The following FAM167A variants were observed in gnomAD, a reference collection of about 807,000 sequenced individuals.
The protein encoded by FAM167A is family with sequence similarity 167 member A.
FAM167A carries 23 observed loss-of-function variants against 14.9 expected under a neutral mutation model. That is an observed-to-expected ratio of 1.55 (90% CI 1.11 to 2.19). The LOEUF (loss-of-function observed/expected upper bound fraction) is 2.19, where lower values mean the gene tolerates loss of function less well. Among genes scored for constraint, FAM167A ranks in the 30% most tolerant of loss-of-function variants. FAM167A has a pLI of 0.00. For synonymous variants in FAM167A, 174 were observed against 117.7 expected, an observed-to-expected ratio of 1.48 and a Z score of -3.10; for missense variants, 401 against 281.5, an observed-to-expected ratio of 1.42 and a Z score of -3.04.
In FAM167A at chr8:11,423,155, G is replaced by C. The variant is rs1297405769; in HGVS notation, c.*1218C>G. On this transcript the variant is annotated 3_prime_UTR_variant, in exon 3 of 3. Coordinates refer to ENST00000284486, the MANE Select transcript of FAM167A (RefSeq NM_053279.3). The stretch of plus-strand genomic sequence containing the variant: ...GAGGACTCGACTAGATGACACCAAA[G>C]GTCAGAAACACTCCTTATCTCAGGA... The C allele has an allele frequency of 2.0e-5, 3 of 152,280 alleles. No homozygotes were observed. Among genetic ancestry groups the C allele is most frequent in the Admixed American group, 2.0e-4 (3 of 15,278 alleles). The allele number at this position is 152,280 out of a possible 1,614,324, so 9.4% of individuals were successfully genotyped here.
rs1266605855 is a variant in FAM167A, at chr8:11,424,385, G to A, written c.633C>T (p.Phe211=). Residue 211 remains phenylalanine, a synonymous_variant, in exon 3 of 3, where the codon TTC becomes TTT. Coordinates refer to ENST00000284486, the MANE Select transcript of FAM167A (RefSeq NM_053279.3). ...GTCTGAGGGCTCCTCAGCAGAGAGAGAACCTCCGAGAGTTGATGTTCATCT... is the reference window on the plus strand; with the variant it reads ...GTCTGAGGGCTCCTCAGCAGAGAGAAAACCTCCGAGAGTTGATGTTCATCT... ...VTKMNINSRR[F]SLC is the part of the protein sequence containing the mutation. 2 of 1,613,958 alleles carry A rather than the reference G, an allele frequency of 1.2e-6. No homozygotes were observed. Among genetic ancestry groups the A allele is most frequent in the African/African-American group, 2.7e-5 (2 of 74,898 alleles).
At chr8:11,447,155 C>T (rs1330900121) in intron 1 of FAM167A, among the ~76,000 whole-genome samples, 1 of 150,778 alleles carries the variant, frequency 6.6e-6, no homozygotes, top group Non-Finnish European at 1.5e-5. Flanking sequence ...GTATTGCAGA[C>T]AATTTATTTC....
chr8:11,447,797 C>T (rs1806850723), intron 1 of FAM167A, among the ~76,000 whole-genome samples: 1 of 152,260 alleles, frequency 6.6e-6, no homozygotes, highest in Non-Finnish European at 1.5e-5. Context: ...TTCATGACCA[C>T]TCTGGGCCTC....
chr8:11,431,955 C>T (rs544210211), intron 2 of FAM167A, among the ~76,000 whole-genome samples: 2 of 148,902 alleles, frequency 1.3e-5, no homozygotes, highest in South Asian at 2.1e-4. Flanking sequence ...GAGAGGCTGG[C>T]CGGGGTGACT....
chr8:11,456,422 G>GTGTGT (rs1807310275), intron 1 of FAM167A, among the ~76,000 whole-genome samples: 1 of 131,878 alleles, frequency 7.6e-6, no homozygotes, highest in Non-Finnish European at 1.6e-5. Context: ...TTGCCTTGCT[G>GTGTGT]GGTGTATGAG....
intron 1 of FAM167A, among the ~76,000 whole-genome samples, chr8:11,453,469 C>T (rs1394640806): frequency 6.6e-6 from 1 of 152,140 alleles, no homozygotes; most frequent in Non-Finnish European, 1.5e-5. Context: ...TATGATTGTC[C>T]CATTACACAG....
At chr8:11,467,210 C>T (rs1443985352), upstream of FAM167A, among the ~76,000 whole-genome samples, 1 of 152,250 alleles carries the variant, frequency 6.6e-6, no homozygotes, top group Non-Finnish European at 1.5e-5. Flanking sequence ...CCCAGCAGGG[C>T]AAGTGTAGGC....
At chr8:11,468,561 T>C (rs758935681), upstream of FAM167A, among the ~76,000 whole-genome samples, 8 of 152,208 alleles carry the variant, frequency 5.3e-5, no homozygotes, top group Non-Finnish European at 1.2e-4. Flanking sequence ...AATCTGGACT[T>C]GGGGATAAAG....
Position 11,466,654 on chromosome 8 carries a change from G to A in FAM167A, c.-426C>T, listed in dbSNP as rs1199278732. Reference sequence around the variant, plus strand: ...CCGGGAGCCCAGGGGCCCTGCTGGGGACTCGCCGGTGTCCCCGCCGCCTCC... The same window carrying A: ...CCGGGAGCCCAGGGGCCCTGCTGGGAACTCGCCGGTGTCCCCGCCGCCTCC... On this transcript the variant is annotated 5_prime_UTR_variant, in exon 1 of 3. Transcript: ENST00000284486. 1 of 152,368 alleles carries A rather than the reference G, an allele frequency of 6.6e-6. No homozygotes were observed. The highest frequency in any genetic ancestry group is 1.5e-5 in the Non-Finnish European group (1 of 68,142). 9.4% of individuals were successfully genotyped at this position (152,368 alleles called of 1,614,324 possible). A position where few individuals can be genotyped will look rare whatever the true frequency, so the allele number is the denominator to read the frequency against.
intron 2 of FAM167A, chr8:11,434,941 C>A (rs140647775): frequency 4.1e-4 from 178 of 437,244 alleles, no homozygotes; most frequent in African/African-American, 3.3e-3. Context: ...GAGGACAGGC[C>A]CAGAGGACAG....
chr8:11,446,542 T>G (rs1159639407), intron 1 of FAM167A: 1 of 152,200 alleles, frequency 6.6e-6, no homozygotes. Flanking sequence ...AACCACTGTC[T>G]CCAGATGCAG....
chr8:11,425,117 AAACGTTTTAGAATGC>A (rs1375851601), intron 2 of FAM167A, among the ~76,000 whole-genome samples: 383 of 152,286 alleles, frequency 2.5e-3, no homozygotes, highest in African/African-American at 8.8e-3. Flanking sequence ...ATTACTCTTT[AAACGTTTTAGAATGC>A]CTGAAATATT....
chr8:11,428,916 C>T (rs764999042), intron 2 of FAM167A, among the ~76,000 whole-genome samples: 1 of 152,158 alleles, frequency 6.6e-6, no homozygotes, highest in Admixed American at 6.5e-5. Context: ...GCAAAATGTG[C>T]AAGAATAAGA....
intron 1 of FAM167A, among the ~76,000 whole-genome samples, chr8:11,454,732 G>A (rs1443168995): frequency 6.6e-6 from 1 of 152,200 alleles, no homozygotes; most frequent in Admixed American, 6.5e-5. Context: ...CTAGGGAGGC[G>A]AGCCTGGGGT....
At chr8:11,465,335 G>A (rs946097470) in intron 1 of FAM167A, among the ~76,000 whole-genome samples, 1 of 152,122 alleles carries the variant, frequency 6.6e-6, no homozygotes, top group Admixed American at 6.5e-5. Context: ...AGTCAGGCAC[G>A]TGAGGCTGAC....
chr8:11,469,916 AT>A (rs1213230241), upstream of FAM167A, among the ~76,000 whole-genome samples: 23 of 148,360 alleles, frequency 1.6e-4, no homozygotes, highest in Middle Eastern at 6.8e-3. Flanking sequence ...AAATAAATAA[AT>A]AAATAAAAGA....
At chr8:11,457,910 C>T (rs1807397415) in intron 1 of FAM167A, among the ~76,000 whole-genome samples, 2 of 152,194 alleles carry the variant, frequency 1.3e-5, no homozygotes, top group Admixed American at 6.5e-5. Flanking sequence ...GTCCTGTCTT[C>T]CTGACCAGAC....
intron 2 of FAM167A, among the ~76,000 whole-genome samples, chr8:11,437,759 G>A (rs1231468719): frequency 6.6e-6 from 1 of 152,170 alleles, no homozygotes; most frequent in Non-Finnish European, 1.5e-5. Context: ...TGTTATAATG[G>A]GGAGGGTGCC....
intron 2 of FAM167A, chr8:11,438,232 C>A (rs918118147): frequency 1.4e-5 from 6 of 426,452 alleles, no homozygotes; most frequent in Non-Finnish European, 2.4e-5. Flanking sequence ...CTGTGGGGAT[C>A]CTCCAACTCC....
Sources: allele counts gnomAD v4.1 joint callset (sites outside exome capture counted in the v4.1 genomes callset), GRCh38; gene constraint gnomAD v4.1.1; transcripts MANE v1.5; gene names NCBI Gene and HGNC (gene_info 2026-07-23, HGNC 2026-07-21).